MDGA2: variants seen among roughly 807,000 people sequenced by gnomAD.
MDGA2 encodes MAM domain-containing glycosylphosphatidylinositol anchor protein 2.
In MDGA2, 40 loss-of-function variants were observed where a neutral mutation model predicts 117.8. The observed-to-expected ratio is 0.34, with a 90% confidence interval of 0.26 to 0.44. The LOEUF (loss-of-function observed/expected upper bound fraction) is 0.44, where lower values mean the gene tolerates loss of function less well. MDGA2 is among the 20% of genes least tolerant of loss of function. The probability of loss-of-function intolerance (pLI) is 1.00; values close to 1 mark genes in which losing one functional copy is unlikely to be tolerated. For missense variants in MDGA2, 1,123 were observed against 1,250.6 expected, an observed-to-expected ratio of 0.90 and a Z score of 1.54; for synonymous variants, 452 against 439.0, an observed-to-expected ratio of 1.03 and a Z score of -0.37.
intron 1 of MDGA2, among the ~76,000 whole-genome samples, chr14:47,619,407 A>G (rs1897009710): frequency 6.6e-6 from 1 of 152,184 alleles, no homozygotes; most frequent in African/African-American, 2.4e-5. Context: ...TGAATTAGCA[A>G]ACAGCTTTAA....
chr14:47,009,309 C>T (rs187724747), intron 8 of MDGA2, among the ~76,000 whole-genome samples: 7 of 152,010 alleles, frequency 4.6e-5, no homozygotes, highest in Admixed American at 4.6e-4. Flanking sequence ...AAAAGTTAGC[C>T]AATTTAATAT....
chr14:47,509,581 C>T (rs1404132221), intron 1 of MDGA2, among the ~76,000 whole-genome samples: 5 of 152,134 alleles, frequency 3.3e-5, no homozygotes, highest in Non-Finnish European at 5.9e-5. Flanking sequence ...AGACAGAGAG[C>T]CACTGGGGTG....
At chr14:47,268,131 G>C (rs1483455497) in intron 2 of MDGA2, among the ~76,000 whole-genome samples, 2 of 151,038 alleles carry the variant, frequency 1.3e-5, no homozygotes, top group Non-Finnish European at 2.9e-5. Context: ...GGAGTGCAAT[G>C]GTGCCATCTC....
chr14:47,139,043 A>G (rs1025185878), intron 4 of MDGA2, among the ~76,000 whole-genome samples: 1 of 152,142 alleles, frequency 6.6e-6, no homozygotes, highest in Non-Finnish European at 1.5e-5. Context: ...ACATATAATG[A>G]ATGGGTATAC....
chr14:47,661,026 C>T (rs79424025), intron 1 of MDGA2, among the ~76,000 whole-genome samples: 14,176 of 152,088 alleles, frequency 0.093, 679 homozygotes, highest in Non-Finnish European at 0.11. Context: ...ACATATACTT[C>T]GCATGTGACA....
At chr14:46,906,414 A>G (rs1374753048) in intron 10 of MDGA2, among the ~76,000 whole-genome samples, 1 of 152,154 alleles carries the variant, frequency 6.6e-6, no homozygotes, top group African/African-American at 2.4e-5. Context: ...TTGGAAGTAA[A>G]TAGGTGCCTA....
chr14:47,596,611 T>C (rs1896548024), intron 1 of MDGA2, among the ~76,000 whole-genome samples: 2 of 152,148 alleles, frequency 1.3e-5, no homozygotes, highest in African/African-American at 2.4e-5. Context: ...GTGACATAAA[T>C]AAACAGCAAG....
At chr14:47,308,395 T>C (rs2139834026) in intron 1 of MDGA2, among the ~76,000 whole-genome samples, 1 of 152,236 alleles carries the variant, frequency 6.6e-6, no homozygotes, top group African/African-American at 2.4e-5. Flanking sequence ...CAACTGCAAC[T>C]TTTTGCCACT....
chr14:46,910,184 G>T (rs1883644569), intron 10 of MDGA2, among the ~76,000 whole-genome samples: 2 of 151,810 alleles, frequency 1.3e-5, no homozygotes, highest in African/African-American at 4.9e-5. Context: ...CATGTAAATA[G>T]TGAACACTGT....
chr14:47,640,287 T>A (rs1897400339), intron 1 of MDGA2, among the ~76,000 whole-genome samples: 1 of 152,066 alleles, frequency 6.6e-6, no homozygotes, highest in Admixed American at 6.6e-5. Flanking sequence ...CTTCTGAAGG[T>A]TTTTTCTTCT....
intron 1 of MDGA2, among the ~76,000 whole-genome samples, chr14:47,665,871 A>G (rs1897945398): frequency 7.7e-6 from 1 of 129,838 alleles, no homozygotes; most frequent in South Asian, 2.7e-4. Flanking sequence ...GCGTTGCCTC[A>G]GCCTCCCTGA....
At chr14:47,561,879 T>G (rs1319593829) in intron 1 of MDGA2, among the ~76,000 whole-genome samples, 1 of 152,236 alleles carries the variant, frequency 6.6e-6, no homozygotes, top group African/African-American at 2.4e-5. Context: ...TAGATGGCTC[T>G]TATTATTTTA....
intron 5 of MDGA2, among the ~76,000 whole-genome samples, chr14:47,126,916 G>T (rs1881932416): frequency 6.6e-6 from 1 of 152,020 alleles, no homozygotes; most frequent in Non-Finnish European, 1.5e-5. Context: ...TGGGCATTGT[G>T]CAAATCAGGT....
chr14:47,557,006 A>T (rs1483468250), intron 1 of MDGA2, among the ~76,000 whole-genome samples: 1 of 152,086 alleles, frequency 6.6e-6, no homozygotes, highest in African/African-American at 2.4e-5. Context: ...TGAATGCCAC[A>T]CTCTCTGACA....
At chr14:47,513,095 A>G (rs1288807924) in intron 1 of MDGA2, among the ~76,000 whole-genome samples, 1 of 152,054 alleles carries the variant, frequency 6.6e-6, no homozygotes, top group Non-Finnish European at 1.5e-5. Flanking sequence ...TTTTTTTCTA[A>G]CAAATCTAAA....
intron 1 of MDGA2, among the ~76,000 whole-genome samples, chr14:47,619,201 C>T (rs762936842): frequency 6.6e-6 from 1 of 151,546 alleles, no homozygotes; most frequent in Non-Finnish European, 1.5e-5. Context: ...ATGTCTATAC[C>T]GCACCTAGCA....
chr14:47,029,384 A>C (rs1223057077), intron 8 of MDGA2, among the ~76,000 whole-genome samples: 2 of 152,182 alleles, frequency 1.3e-5, no homozygotes, highest in Non-Finnish European at 2.9e-5. Context: ...TTTGGAAAAT[A>C]CAAATTATAA....
intron 1 of MDGA2, among the ~76,000 whole-genome samples, chr14:47,465,821 G>T (rs549286478): frequency 2.6e-5 from 4 of 152,088 alleles, no homozygotes; most frequent in African/African-American, 9.7e-5. Flanking sequence ...CAGAAATCCC[G>T]TTACTGGGTG....
intron 3 of MDGA2, among the ~76,000 whole-genome samples, chr14:47,169,341 G>C (rs2139311751): frequency 6.6e-6 from 1 of 151,526 alleles, no homozygotes; most frequent in South Asian, 2.1e-4. Context: ...ATTATACAAG[G>C]AATTGTGAGC....
Sources: gnomAD v4.1 joint callset for allele counts (sites outside exome capture counted in the v4.1 genomes callset) on GRCh38, gnomAD v4.1.1 for gene constraint, MANE v1.5 for transcripts, NCBI Gene and HGNC (gene_info 2026-07-23, HGNC 2026-07-21) for gene names.